Variants in PTBP1 observed in about 807,000 individuals in gnomAD.
PTBP1 encodes polypyrimidine tract-binding protein 1.
PTBP1 carries 8 observed loss-of-function variants against 59.8 expected under a neutral mutation model. That is an observed-to-expected ratio of 0.13 (90% CI 0.08 to 0.24). PTBP1 has a LOEUF of 0.24. Ranked by LOEUF, PTBP1 falls within the 10% of genes least tolerant of loss-of-function variation. PTBP1 has a pLI of 1.00. For synonymous variants in PTBP1, 490 were observed against 320.7 expected (o/e 1.53, Z -5.64); for missense variants, 686 against 767.0 (o/e 0.89, Z 1.25).
rs184895308 is a variant in PTBP1, at chr19:798,718, C to T, written c.9-695C>T. On this transcript the variant is annotated intron_variant, in intron 1 of 14. Transcript: ENST00000356948. ...CGGGAGTTGCAGTGGCCGGGAGAAG[C>T]CGTGGGGAGCTCACTGTTGGGTCAG... 1.8e-3 allele frequency among the ~76,000 whole-genome samples: 277 copies of T among 152,342 alleles called. 3 individuals carry two copies. The highest frequency in any genetic ancestry group is 6.0e-3 in the African/African-American group (249 of 41,592).
intron 6 of PTBP1, 43 bp downstream of exon 6, chr19:804,745 G>A: frequency 6.2e-7 from 1 of 1,610,238 alleles, no homozygotes; most frequent in South Asian, 1.1e-5. Context: ...GGCTGCTATT[G>A]CTGTGGGCAC....
chr19:812,292 G>A lies in PTBP1; in HGVS notation c.*1466G>A, dbSNP rs1366507569. The A allele has an allele frequency of 1.3e-5, 2 of 157,120 alleles. No homozygotes were observed. The highest frequency in any genetic ancestry group is 4.8e-5 in the African/African-American group (2 of 41,530). 9.7% of individuals were successfully genotyped at this position (157,120 alleles called of 1,614,324 possible). On this transcript the variant is annotated 3_prime_UTR_variant, in exon 15 of 15. Transcript: ENST00000356948. ...GTTGGCCAGTCTGTACCTGGACTTC[G>A]AATAAATCTTCTGTATCCTCGCTCC...
At chr19:807,652 A>C in intron 10 of PTBP1, 1 of 495,372 alleles carries the variant, frequency 2.0e-6, no homozygotes, top group Non-Finnish European at 3.5e-6. Context: ...GAAACAAAAC[A>C]AAAACATAAA....
Position 810,739 on chromosome 19 carries a change from G to A in PTBP1, c.1587G>A (p.Glu529=). 1.9e-6 allele frequency: 3 copies of A among 1,609,060 alleles called. No homozygotes were observed. The highest frequency in any genetic ancestry group is 2.5e-6 in the Non-Finnish European group (3 of 1,178,560). Reference sequence around the variant, plus strand: ...TGATCCAGATGGGCTCCGTGGAGGAGGCGGTCCAGGCCCTCATTGACCTGC... The same window carrying A: ...TGATCCAGATGGGCTCCGTGGAGGAAGCGGTCCAGGCCCTCATTGACCTGC... ...MALIQMGSVE[E]AVQALIDLHN... Residue 529 remains glutamate, a synonymous_variant, in exon 15 of 15, where the codon GAG becomes GAA. Coordinates refer to ENST00000356948, the MANE Select transcript of PTBP1 (RefSeq NM_002819.5).
chr19:803,350 G>A (rs1339392769), intron 2 of PTBP1, among the ~76,000 whole-genome samples: 3 of 152,238 alleles, frequency 2.0e-5, no homozygotes, highest in African/African-American at 7.2e-5. Context: ...TTGGAAAAAG[G>A]AGCAGTGTTT....
At position 798,047 on chromosome 19, in the gene PTBP1, C is replaced by T. The variant is rs369244946; in HGVS notation, c.8+542C>T. On this transcript the variant is annotated intron_variant, in intron 1 of 14. Coordinates refer to ENST00000356948, the MANE Select transcript of PTBP1 (RefSeq NM_002819.5). ...CTGGGGCGGCCGCCGGGAGGGAAAG[C>T]TGGCGCCGGGGCCTCGCCGCGGGCC... Among the ~76,000 whole-genome samples the T allele has an allele frequency of 2.0e-4, 31 of 151,568 alleles. No homozygotes were observed. The East Asian group carries it at 2.9e-3, about 14-fold the overall frequency.
intron 9 of PTBP1, 181 bp downstream of exon 9, chr19:805,750 C>T: frequency 1.6e-6 from 1 of 625,236 alleles, no homozygotes; most frequent in Non-Finnish European, 2.8e-6. Flanking sequence ...AGTGGTAGGA[C>T]AGGGCTGTGG....
At chr19:800,450 C>T (rs1294622932) in intron 2 of PTBP1, among the ~76,000 whole-genome samples, 1 of 152,072 alleles carries the variant, frequency 6.6e-6, no homozygotes, top group Non-Finnish European at 1.5e-5. Context: ...GAGCTGTAGT[C>T]CTCGCTTAGC....
chr19:805,639 T>TC, intron 9 of PTBP1, 70 bp downstream of exon 9: 3 of 1,357,284 alleles, frequency 2.2e-6, no homozygotes, highest in Non-Finnish European at 3.2e-6. Flanking sequence ...CAGCTCCGCA[T>TC]CCACGGCGGC....
chr19:804,284 C>T lies in PTBP1; in HGVS notation c.289-8C>T. ...AGGAGGGCCCAGCGCTCACTGCCTC[C>T]CCAACAGGCCTTCATCGAGATGAAC... is the stretch of plus-strand genomic sequence containing the variant. On this transcript the variant is annotated splice_polypyrimidine_tract_variant and splice_region_variant and intron_variant, in intron 4 of 14. Transcript: ENST00000356948. The T allele has an allele frequency of 6.2e-7, 1 of 1,613,572 alleles. No homozygotes were observed. Among genetic ancestry groups the T allele is most frequent in the Non-Finnish European group, 8.5e-7 (1 of 1,179,818 alleles).
chr19:802,879 T>C (rs948739696), intron 2 of PTBP1, among the ~76,000 whole-genome samples: 3 of 152,110 alleles, frequency 2.0e-5, no homozygotes, highest in African/African-American at 7.2e-5. Flanking sequence ...GGAGAGAAAA[T>C]GGACAGGTCA....
At chr19:800,289 G>C (rs2034276667) in intron 2 of PTBP1, among the ~76,000 whole-genome samples, 1 of 152,036 alleles carries the variant, frequency 6.6e-6, no homozygotes, top group South Asian at 2.1e-4. Flanking sequence ...TGTCAAAGGT[G>C]GTGTTTGGGG....
Position 808,776 on chromosome 19 carries a change from C to CG in PTBP1, c.1463+20dup, listed in dbSNP as rs762501182. On this transcript the variant is annotated intron_variant, in intron 13 of 14. Coordinates refer to ENST00000356948, the MANE Select transcript of PTBP1 (RefSeq NM_002819.5). The surrounding 1 kb of genome is among the most constrained non-coding windows in gnomAD (Gnocchi z 4.7). ...CTCCAACATCCCGTGAGTGCTGGGC[C>CG]GGGGGGCTCATGGGGCCGGGGGCGG... 3.8e-4 allele frequency: 580 copies of CG among 1,542,014 alleles called. 1 individual carries two copies. The highest frequency in any genetic ancestry group is 7.2e-4 in the South Asian group (63 of 87,524).
At chr19:802,630 CAG>C (rs2034384366) in intron 2 of PTBP1, among the ~76,000 whole-genome samples, 1 of 152,198 alleles carries the variant, frequency 6.6e-6, no homozygotes, top group Admixed American at 6.5e-5. Flanking sequence ...TCAGCGCCTG[CAG>C]AGGCTCGCTT....
rs958955734 is a variant in PTBP1, at chr19:811,343, C to A, written c.*517C>A. On this transcript the variant is annotated 3_prime_UTR_variant, in exon 15 of 15. Transcript: ENST00000356948. Reference sequence around the variant, plus strand: ...AGCCCTCTAATCAAGTCACGTGATTCTCCCTTCACCCCGCCCCCAGGGCCT... The same window carrying A: ...AGCCCTCTAATCAAGTCACGTGATTATCCCTTCACCCCGCCCCCAGGGCCT... The A allele has an allele frequency of 6.6e-6, 1 of 152,472 alleles. No homozygotes were observed. Among genetic ancestry groups the A allele is most frequent in the Non-Finnish European group, 1.5e-5 (1 of 68,162 alleles). The allele number at this position is 152,472 out of a possible 1,614,324, so 9.4% of individuals were successfully genotyped here. A position where few individuals can be genotyped will look rare whatever the true frequency, so the allele number is the denominator to read the frequency against.
chr19:804,603 G>T lies in PTBP1; in HGVS notation c.507G>T (p.Ala169=), dbSNP rs148588434. 19 of 1,611,974 alleles carry T rather than the reference G, an allele frequency of 1.2e-5. No individual in the cohort carries two copies. The highest frequency in any genetic ancestry group is 2.7e-5 in the African/African-American group (2 of 74,928). ...ACCTGGCCTTGGCTGCCTCGGCGGC[G>T]GCCGTGGACGCAGGGATGGCGATGG... is the stretch of plus-strand genomic sequence containing the variant. ...SGNLALAASA[A]AVDAGMAMAG... The change falls in exon 6 of 15, where the codon GCG becomes GCT. Residue 169 remains alanine, a synonymous_variant. Coordinates refer to ENST00000356948, the MANE Select transcript of PTBP1 (RefSeq NM_002819.5).
chr19:799,554 A>AG, intron 2 of PTBP1, 111 bp downstream of exon 2: 2 of 1,036,204 alleles, frequency 1.9e-6, no homozygotes, highest in East Asian at 2.4e-5. Context: ...TCCATTCCTA[A>AG]GGGGCACTAC....
intron 6 of PTBP1, 35 bp from the exon 7 acceptor site, chr19:804,794 G>A (rs199543945): frequency 3.7e-5 from 60 of 1,607,978 alleles, no homozygotes; most frequent in African/African-American, 5.3e-5. Flanking sequence ...GGTGGGCACC[G>A]GGCAGGAGCT....
intron 9 of PTBP1, 99 bp from the exon 10 acceptor site, chr19:806,309 G>A: frequency 7.4e-7 from 1 of 1,346,634 alleles, no homozygotes; most frequent in South Asian, 1.6e-5. Flanking sequence ...CTCCCGCGCG[G>A]CTCGGCTCCT....
Sources: gnomAD v4.1 joint callset for allele counts (sites outside exome capture counted in the v4.1 genomes callset) on GRCh38, gnomAD v4.1.1 for gene constraint, Gnocchi (gnomAD v3.1) non-coding constraint, MANE v1.5 for transcripts, NCBI Gene and HGNC (gene_info 2026-07-23, HGNC 2026-07-21) for gene names.